CDK11A: variants seen among roughly 807,000 people sequenced by gnomAD.
The protein encoded by CDK11A is cyclin dependent kinase 11A.
Under a neutral mutation model 83.6 loss-of-function variants are expected in CDK11A, and 55 were observed. The ratio of observed to expected loss-of-function variants is 0.66; its 90% CI spans 0.53 to 0.82. CDK11A has a LOEUF of 0.82. Among genes scored for constraint, CDK11A ranks in the 40% least tolerant of loss-of-function variants. CDK11A has a pLI of 0.00. For synonymous variants in CDK11A, 247 were observed against 302.7 expected (o/e 0.82, Z 1.91); for missense variants, 564 against 810.1 (o/e 0.70, Z 3.69).
intron 3 of CDK11A, among the ~76,000 whole-genome samples, chr1:1,719,725 T>TCC (rs1019432885): frequency 1.3e-5 from 2 of 148,868 alleles, no homozygotes; most frequent in African/African-American, 5.0e-5. Context: ...CACACCATTC[T>TCC]CCTGCCTCAG....
intron 1 of CDK11A, 147 bp downstream of exon 1, chr1:1,724,111 C>T (rs1645013161): frequency 6.7e-6 from 1 of 148,936 alleles, no homozygotes; most frequent in African/African-American, 2.5e-5. Flanking sequence ...CCCAAAGTTC[C>T]GTGCGGGATG....
chr1:1,720,702 A>ATTAT (rs386366084), intron 3 of CDK11A, among the ~76,000 whole-genome samples: 3 of 149,132 alleles, frequency 2.0e-5, no homozygotes, highest in East Asian at 2.0e-4. Flanking sequence ...CGGACTTATT[A>ATTAT]TTTTTTTCAG....
chr1:1,719,218 C>G (rs72909028), intron 4 of CDK11A, 110 bp downstream of exon 4: 15 of 997,568 alleles, frequency 1.5e-5, no homozygotes, highest in African/African-American at 5.0e-5. Context: ...CTTTCAGCTA[C>G]AGTTTGCTTT....
rs1644260306 is a variant in CDK11A at position 1,705,061 on chromosome 1, C to G, written c.1337-36G>C. 4 of 1,581,186 alleles carry G rather than the reference C, an allele frequency of 2.5e-6. No homozygotes were observed. The East Asian group carries it at 9.1e-5, about 36-fold the overall frequency. ...AATACAGACGGCACTGAGAGGCATT[C>G]TCAAAGTCACGGTACCAACAGTGGA... On this transcript the variant is annotated intron_variant, in intron 12 of 19. Coordinates refer to ENST00000404249, the MANE Select transcript of CDK11A (RefSeq NM_024011.4).
In CDK11A at chr1:1,707,387, C is replaced by G; in HGVS notation, c.1245+22G>C. ...CCGACTGCCAATGCGGACAGCGGCC[C>G]GGGGCGAGGGGAGGGCCTGACCTGC... On this transcript the variant is annotated intron_variant, in intron 11 of 19. Transcript: ENST00000404249. The G allele has an allele frequency of 1.9e-6, 3 of 1,604,116 alleles. 1 individual carries two copies. The highest frequency in any genetic ancestry group is 1.3e-5 in the African/African-American group (1 of 74,218).
At chr1:1,720,942 C>T (rs1036323345) in intron 3 of CDK11A, among the ~76,000 whole-genome samples, 1 of 151,100 alleles carries the variant, frequency 6.6e-6, no homozygotes, top group African/African-American at 2.4e-5. Flanking sequence ...CATGCCCTGT[C>T]ACAGTAATCC....
intron 3 of CDK11A, among the ~76,000 whole-genome samples, chr1:1,721,031 C>G (rs1644885783): frequency 6.6e-6 from 1 of 150,704 alleles, no homozygotes. Flanking sequence ...AGATCGAGAC[C>G]ATCCTGGCTA....
chr1:1,707,392 C>T lies in CDK11A; in HGVS notation c.1245+17G>A, dbSNP rs377517518. ...TGCCAATGCGGACAGCGGCCCGGGGCGAGGGGAGGGCCTGACCTGCAGGGC... is the reference window on the plus strand; with the variant it reads ...TGCCAATGCGGACAGCGGCCCGGGGTGAGGGGAGGGCCTGACCTGCAGGGC... On this transcript the variant is annotated intron_variant, in intron 11 of 19. Coordinates refer to ENST00000404249, the MANE Select transcript of CDK11A (RefSeq NM_024011.4). 3.6e-5 allele frequency: 58 copies of T among 1,604,970 alleles called. 1 individual carries two copies. In the African/African-American group the frequency reaches 5.9e-4, roughly 16 times the overall value.
At chr1:1,703,426 G>A (rs1413191593) in intron 18 of CDK11A, 50 bp downstream of exon 18, 1 of 1,405,500 alleles carries the variant, frequency 7.1e-7, no homozygotes, top group Admixed American at 2.2e-5. Flanking sequence ...GGACTGGGAA[G>A]TCACCGCTAT....
intron 3 of CDK11A, among the ~76,000 whole-genome samples, chr1:1,721,387 T>C (rs151169481): frequency 8.6e-5 from 13 of 150,950 alleles, no homozygotes; most frequent in African/African-American, 3.2e-4. Flanking sequence ...TAAACCTCAA[T>C]AGTTACAACA....
intron 4 of CDK11A, among the ~76,000 whole-genome samples, chr1:1,718,271 G>A (rs1389417431): frequency 7.0e-6 from 1 of 143,676 alleles, no homozygotes; most frequent in Non-Finnish European, 1.5e-5. Flanking sequence ...TGCTCTCTCT[G>A]GTTTTCGGTC....
At chr1:1,716,233 C>G in intron 5 of CDK11A, 113 bp downstream of exon 5, 1 of 1,235,730 alleles carries the variant, frequency 8.1e-7, no homozygotes, top group South Asian at 1.4e-5. Context: ...GTTTCCATGT[C>G]TACCACTTCT....
chr1:1,719,559 G>C, intron 3 of CDK11A, 104 bp from the exon 4 acceptor site: 1 of 838,838 alleles, frequency 1.2e-6, no homozygotes, highest in Non-Finnish European at 1.7e-6. Flanking sequence ...GATTCAGATA[G>C]GAACGAAGCT....
At chr1:1,705,136 G>C in intron 12 of CDK11A, 111 bp from the exon 13 acceptor site, 3 of 1,422,664 alleles carry the variant, frequency 2.1e-6, no homozygotes, top group Non-Finnish European at 2.8e-6. Context: ...GCATTTCACG[G>C]AGGGGGGTCT....
chr1:1,716,308 C>T (rs1317062387), intron 5 of CDK11A, 38 bp downstream of exon 5: 1 of 1,598,112 alleles, frequency 6.3e-7, no homozygotes. Context: ...ACTACCACGG[C>T]CCTTTCATAA....
At chr1:1,719,638 C>CTCGCTCTGTCACCCAGGCT (rs70937183) in intron 3 of CDK11A, among the ~76,000 whole-genome samples, 183 bp from the exon 4 acceptor site, 110,892 of 137,150 alleles carry the variant, frequency 0.81, 46,928 homozygotes, top group Non-Finnish European at 0.93. Flanking sequence ...TTTTTTTAGA[C>CTCGCTCTGTCACCCAGGCT]GGAGTCTCGC....
chr1:1,719,570 G>T, intron 3 of CDK11A, 115 bp from the exon 4 acceptor site: 20 of 645,034 alleles, frequency 3.1e-5, no homozygotes, highest in Middle Eastern at 3.1e-4. Context: ...GAACGAAGCT[G>T]AAACATCATT....
rs1164936993 is a variant in CDK11A at position 1,723,235 on chromosome 1, TAAAAAA to T, written c.-13-410_-13-405del. 9.1e-4 allele frequency among the ~76,000 whole-genome samples: 45 copies of T among 49,326 alleles called. 5 individuals carry two copies. Among genetic ancestry groups the T allele is most frequent in the African/African-American group, 3.2e-3 (45 of 13,932 alleles). The allele number at this position is 49,326 out of a possible 152,430, so 32.4% of individuals were successfully genotyped here. A position where few individuals can be genotyped will look rare whatever the true frequency, so the allele number is the denominator to read the frequency against. ...CCTAGATAACAAAGTAAGACTTGGT[TAAAAAA>T]AAAAAAAAAAAAAGGTAAGCTCTAG... On this transcript the variant is annotated intron_variant, in intron 1 of 19. Coordinates refer to ENST00000404249, the MANE Select transcript of CDK11A (RefSeq NM_024011.4).
Position 1,719,478 on chromosome 1 carries a change from T to C in CDK11A, c.228-23A>G, listed in dbSNP as rs148518955. The C allele has an allele frequency of 1.9e-4, 276 of 1,419,450 alleles. 6 individuals are homozygous for C. The East Asian group carries it at 6.4e-3, about 33-fold the overall frequency. The allele number at this position is 1,419,450 out of a possible 1,614,324, so 87.9% of individuals were successfully genotyped here. ...CCTCTGAAATAAAACACAACAGCAC[T>C]GCGTCATGCTTGAGAAAGTGCGGAA... On this transcript the variant is annotated intron_variant, in intron 3 of 19. Transcript: ENST00000404249.
Sources: allele counts gnomAD v4.1 joint callset (sites outside exome capture counted in the v4.1 genomes callset), GRCh38; gene constraint gnomAD v4.1.1; transcripts MANE v1.5; gene names NCBI Gene and HGNC (gene_info 2026-07-23, HGNC 2026-07-21).